The following MROH7 variants were observed in gnomAD, a reference collection of about 807,000 sequenced individuals.
MROH7 encodes maestro heat like repeat family member 7.
In MROH7, 113 loss-of-function variants were observed where a neutral mutation model predicts 129.2. That is an observed-to-expected ratio of 0.87 (90% CI 0.75 to 1.02). The LOEUF (loss-of-function observed/expected upper bound fraction) is 1.02, where lower values mean the gene tolerates loss of function less well. Ranked by LOEUF, MROH7 falls within the 50% of genes least tolerant of loss-of-function variation. MROH7 has a pLI of 0.00. For synonymous variants in MROH7, 655 were observed against 667.9 expected (o/e 0.98, Z 0.30); for missense variants, 1,601 against 1,671.3 (o/e 0.96, Z 0.73).
chr1:54,662,570 A>C (rs1483243730), intron 3 of MROH7, among the ~76,000 whole-genome samples: 1 of 150,574 alleles, frequency 6.6e-6, no homozygotes, highest in African/African-American at 2.5e-5. Context: ...ACGTACTATA[A>C]ATTTTTTTCC....
intron 13 of MROH7, among the ~76,000 whole-genome samples, chr1:54,682,340 G>GTAT (rs962301417): frequency 6.6e-6 from 1 of 151,488 alleles, no homozygotes; most frequent in African/African-American, 2.4e-5. Context: ...AATTTTTTTT[G>GTAT]TATTATTAGT....
At chr1:54,692,397 G>T in intron 15 of MROH7, 27 bp from the exon 16 acceptor site, 1 of 1,612,580 alleles carries the variant, frequency 6.2e-7, no homozygotes, top group Non-Finnish European at 8.5e-7. Flanking sequence ...AGGTAGGCAT[G>T]AGGTCTTAAT....
chr1:54,682,847 T>A, intron 14 of MROH7, 53 bp downstream of exon 14: 2 of 1,579,658 alleles, frequency 1.3e-6, no homozygotes, highest in Non-Finnish European at 1.7e-6. Context: ...CCTTCCTCTC[T>A]CCTTCCCTCC....
chr1:54,644,494 C>A (rs1301707586), intron 1 of MROH7, among the ~76,000 whole-genome samples: 1 of 152,032 alleles, frequency 6.6e-6, no homozygotes, highest in Non-Finnish European at 1.5e-5. Flanking sequence ...AGGTGCCCAC[C>A]ACCATGCCTG....
chr1:54,645,366 A>G (rs1385099100), intron 1 of MROH7, among the ~76,000 whole-genome samples: 1 of 151,262 alleles, frequency 6.6e-6, no homozygotes, highest in Admixed American at 6.6e-5. Flanking sequence ...TGCAACCTCC[A>G]CCTCCCAGGT....
rs186641459 is a variant in MROH7, at chr1:54,656,051, G to A, written c.1231+1894G>A. On this transcript the variant is annotated intron_variant, in intron 3 of 23. Coordinates refer to ENST00000421030, the MANE Select transcript of MROH7 (RefSeq NM_001039464.4). Reference sequence around the variant, plus strand: ...TGGGACTACAGGCATGCATCATCATGCCTGGCTAATTTTTGTAGTTTTAGC... The same window carrying A: ...TGGGACTACAGGCATGCATCATCATACCTGGCTAATTTTTGTAGTTTTAGC... Among the ~76,000 whole-genome samples the A allele has an allele frequency of 8.6e-5, 13 of 151,378 alleles. No homozygotes were observed. In the East Asian group the frequency reaches 2.6e-3, roughly 30 times the overall value.
At position 54,700,433 on chromosome 1, in the gene MROH7, T is replaced by C. The variant is rs1645416690; in HGVS notation, c.3077T>C (p.Leu1026Pro). Residue 1026 changes from leucine to proline, a missense_variant, in exon 18 of 24, where the codon CTG (leucine) becomes CCG (proline). By Grantham distance (98) the Leu-to-Pro change is moderately conservative (BLOSUM62 -3). Transcript: ENST00000421030. ...PIMKVLSIRG[L>P]VILARRSEKT... Reference sequence around the variant, plus strand: ...ATGAAGGTGCTGTCCATTCGAGGCCTGGTCATCCTGGCCCGCAGGTCTGAG... The same window carrying C: ...ATGAAGGTGCTGTCCATTCGAGGCCCGGTCATCCTGGCCCGCAGGTCTGAG... The C allele has an allele frequency of 1.2e-6, 2 of 1,606,930 alleles. No individual in the cohort carries two copies. The highest frequency in any genetic ancestry group is 2.7e-5 in the African/African-American group (2 of 74,932).
chr1:54,650,010 A>G (rs1186801762), intron 1 of MROH7, among the ~76,000 whole-genome samples: 2 of 152,234 alleles, frequency 1.3e-5, no homozygotes, highest in Non-Finnish European at 2.9e-5. Context: ...AGGCAGATGC[A>G]GAGCTATGCA....
chr1:54,680,023 A>C lies in MROH7; in HGVS notation c.2359A>C (p.Met787Leu). Residue 787 changes from methionine (M) to leucine (L), a missense_variant, in exon 13 of 24, where the codon ATG becomes CTG. By Grantham distance (15) the Met-to-Leu change is conservative. Transcript: ENST00000421030. ...FMTEVVVALL[M>L]CPLPLNSNGA... Reference sequence around the variant, plus strand: ...GACCGAGGTTGTGGTGGCCCTGCTCATGTGCCCCCTCCCACTGAACAGGTA... The same window carrying C: ...GACCGAGGTTGTGGTGGCCCTGCTCCTGTGCCCCCTCCCACTGAACAGGTA... 1.9e-6 allele frequency: 3 copies of C among 1,613,846 alleles called. No individual in the cohort carries two copies. Among genetic ancestry groups the C allele is most frequent in the Non-Finnish European group, 2.5e-6 (3 of 1,179,914 alleles).
chr1:54,652,728 G>A, intron 2 of MROH7, 125 bp from the exon 3 acceptor site: 1 of 607,682 alleles, frequency 1.6e-6, no homozygotes. Flanking sequence ...TGGAAAGGTG[G>A]GCTGGGCACA....
chr1:54,660,755 C>T (rs540696379), intron 3 of MROH7, among the ~76,000 whole-genome samples: 8 of 151,872 alleles, frequency 5.3e-5, no homozygotes, highest in African/African-American at 1.9e-4. Flanking sequence ...GTGGAGGTTG[C>T]GGTGAGCTGA....
chr1:54,642,279 A>G (rs1388631536), intron 1 of MROH7, among the ~76,000 whole-genome samples: 2 of 152,212 alleles, frequency 1.3e-5, no homozygotes, highest in Non-Finnish European at 2.9e-5. Flanking sequence ...CTCATCTGGA[A>G]TATTAAGATA....
At chr1:54,684,760 C>G (rs1014038497) in intron 14 of MROH7, among the ~76,000 whole-genome samples, 1 of 152,240 alleles carries the variant, frequency 6.6e-6, no homozygotes, top group South Asian at 2.1e-4. Flanking sequence ...ATCACTTCCC[C>G]TCTCTAGCCT....
In MROH7 at chr1:54,682,686, A is replaced by G; in HGVS notation, c.2412A>G (p.Ile804Met). 2 of 1,613,758 alleles carry G rather than the reference A, an allele frequency of 1.2e-6. No individual in the cohort carries two copies. The highest frequency in any genetic ancestry group is 1.7e-6 in the Non-Finnish European group (2 of 1,179,876). The change falls in exon 14 of 24, where the codon ATA becomes ATG. Residue 804 changes from isoleucine to methionine, a missense_variant. By Grantham distance (10) the Ile-to-Met change is conservative. Coordinates refer to ENST00000421030, the MANE Select transcript of MROH7 (RefSeq NM_001039464.4). ...SNGAEMWRQL[I>M]LCKPSCDVRD... ...GAGCAGAGATGTGGAGGCAGCTGAT[A>G]CTGTGTAAGCCCAGCTGTGATGTCC...
chr1:54,671,139 G>A (rs1644895624), intron 7 of MROH7, among the ~76,000 whole-genome samples: 1 of 152,156 alleles, frequency 6.6e-6, no homozygotes, highest in Admixed American at 6.5e-5. Flanking sequence ...TGTAATCCCA[G>A]CACTTTGGGA....
chr1:54,656,693 G>A (rs1644653758), intron 3 of MROH7, among the ~76,000 whole-genome samples: 2 of 151,810 alleles, frequency 1.3e-5, no homozygotes, highest in South Asian at 4.1e-4. Flanking sequence ...GTGGTGGCCG[G>A]GGCCTGTAAT....
intron 3 of MROH7, among the ~76,000 whole-genome samples, chr1:54,663,144 A>G (rs1284236810): frequency 6.6e-6 from 1 of 152,166 alleles, no homozygotes; most frequent in African/African-American, 2.4e-5. Context: ...GTGGTCAGGT[A>G]CTTTGAAACT....
In MROH7 at chr1:54,695,470, G is replaced by A; in HGVS notation, c.2944G>A (p.Ala982Thr). ...ERGDEKHRIT[A>T]TAFFVELLQM... is the part of the protein sequence containing the mutation. ...AGGCGACGAGAAGCACAGGATCACG[G>A]CCACCGCCTTCTTCGTGGAGGTACC... is the stretch of plus-strand genomic sequence containing the variant. The change falls in exon 17 of 24, where the codon GCC becomes ACC. Residue 982 changes from alanine to threonine, a missense_variant. Transcript: ENST00000421030. 2 of 1,613,610 alleles carry A rather than the reference G, an allele frequency of 1.2e-6. No homozygotes were observed. The highest frequency in any genetic ancestry group is 8.5e-7 in the Non-Finnish European group (1 of 1,179,760).
At chr1:54,656,249 C>T (rs1044943828) in intron 3 of MROH7, among the ~76,000 whole-genome samples, 13 of 151,014 alleles carry the variant, frequency 8.6e-5, no homozygotes, top group African/African-American at 1.7e-4. Flanking sequence ...TGGTGGCTCA[C>T]GCCTGTAATC....
Sources: allele counts gnomAD v4.1 joint callset (sites outside exome capture counted in the v4.1 genomes callset), GRCh38; gene constraint gnomAD v4.1.1; transcripts MANE v1.5; gene names NCBI Gene and HGNC (gene_info 2026-07-23, HGNC 2026-07-21).